Variants in MSRA observed in about 807,000 individuals in gnomAD.
MSRA encodes mitochondrial peptide methionine sulfoxide reductase.
Under a neutral mutation model 31.3 loss-of-function variants are expected in MSRA, and 54 were observed. The ratio of observed to expected loss-of-function variants is 1.73; its 90% CI spans 1.39 to 2.17. The LOEUF (loss-of-function observed/expected upper bound fraction) is 2.17. MSRA is among the 30% of genes most tolerant of loss of function. The pLI is 0.00. For missense variants in MSRA, 507 were observed against 300.9 expected (o/e 1.69, Z -5.07); for synonymous variants, 169 against 116.5 (o/e 1.45, Z -2.90).
intron 5 of MSRA, among the ~76,000 whole-genome samples, chr8:10,320,979 G>A (rs1802014910): frequency 6.6e-6 from 1 of 152,122 alleles, no homozygotes; most frequent in South Asian, 2.1e-4. Flanking sequence ...CACATTCCGA[G>A]GTTTTAGGAC....
intron 1 of MSRA, among the ~76,000 whole-genome samples, chr8:10,112,304 G>A (rs1800348520): frequency 6.6e-6 from 1 of 152,106 alleles, no homozygotes; most frequent in African/African-American, 2.4e-5. Flanking sequence ...AAAGCCATTT[G>A]GTTTGATTCA....
intron 1 of MSRA, among the ~76,000 whole-genome samples, chr8:10,130,725 T>G (rs1043490233): frequency 6.6e-6 from 1 of 152,170 alleles, no homozygotes; most frequent in African/African-American, 2.4e-5. Context: ...TCACAGTGCT[T>G]TTGAAGGCAT....
At chr8:10,406,573 C>T (rs1176893225) in intron 5 of MSRA, among the ~76,000 whole-genome samples, 3 of 152,148 alleles carry the variant, frequency 2.0e-5, no homozygotes, top group African/African-American at 7.2e-5. Flanking sequence ...ATGGGGGCCA[C>T]AGAGTCCTGG....
At chr8:10,372,634 A>C (rs769524063) in intron 5 of MSRA, among the ~76,000 whole-genome samples, 2 of 152,202 alleles carry the variant, frequency 1.3e-5, no homozygotes, top group Non-Finnish European at 2.9e-5. Context: ...GTTAGCTTAC[A>C]ATTAGACAAA....
At chr8:10,380,470 A>C (rs17151859) in intron 5 of MSRA, among the ~76,000 whole-genome samples, 28,604 of 152,154 alleles carry the variant, frequency 0.19, 3,153 homozygotes, top group African/African-American at 0.31. Flanking sequence ...CTTTAAGGCT[A>C]TTCCAAGGGA....
intron 5 of MSRA, among the ~76,000 whole-genome samples, chr8:10,355,851 C>A (rs993978102): frequency 1.3e-5 from 2 of 152,112 alleles, no homozygotes; most frequent in Non-Finnish European, 2.9e-5. Flanking sequence ...TTGGAGATTC[C>A]TTGGAGGTCT....
At chr8:10,228,108 G>T (rs1461073792) in intron 2 of MSRA, among the ~76,000 whole-genome samples, 2 of 152,078 alleles carry the variant, frequency 1.3e-5, no homozygotes, top group African/African-American at 2.4e-5. Flanking sequence ...TCCGTGGCCA[G>T]GGTCTGGCTG....
intron 3 of MSRA, among the ~76,000 whole-genome samples, chr8:10,275,403 A>G (rs1799270775): frequency 6.6e-6 from 1 of 152,178 alleles, no homozygotes; most frequent in Admixed American, 6.5e-5. Context: ...TCACAGTATG[A>G]TTTTACTATT....
chr8:10,290,436 T>C (rs1038847486), intron 3 of MSRA, among the ~76,000 whole-genome samples: 10 of 151,998 alleles, frequency 6.6e-5, no homozygotes, highest in African/African-American at 1.4e-4. Context: ...TCTGAGACTT[T>C]GTTGAAAAAA....
At chr8:10,342,453 C>CA (rs1339934815) in intron 5 of MSRA, among the ~76,000 whole-genome samples, 1 of 152,196 alleles carries the variant, frequency 6.6e-6, no homozygotes, top group African/African-American at 2.4e-5. Flanking sequence ...TATATCTTAG[C>CA]ATGATGATAA....
chr8:10,331,623 C>T (rs73193598), intron 5 of MSRA, among the ~76,000 whole-genome samples: 13,850 of 152,196 alleles, frequency 0.091, 806 homozygotes, highest in Admixed American at 0.13. Context: ...TGTGGCGATA[C>T]ATGCTAATCT....
At chr8:10,160,835 C>G (rs1040112069) in intron 1 of MSRA, among the ~76,000 whole-genome samples, 1 of 152,156 alleles carries the variant, frequency 6.6e-6, no homozygotes, top group Non-Finnish European at 1.5e-5. Context: ...GCCGAGATTT[C>G]ATTTTTAAAA....
chr8:10,071,352 G>A (rs1318014629), intron 1 of MSRA, among the ~76,000 whole-genome samples: 1 of 151,886 alleles, frequency 6.6e-6, no homozygotes, highest in African/African-American at 2.4e-5. Flanking sequence ...TTGAATTATT[G>A]CTTTACTCTT....
chr8:10,365,930 G>A (rs1362462514), intron 5 of MSRA, among the ~76,000 whole-genome samples: 2 of 152,200 alleles, frequency 1.3e-5, no homozygotes, highest in Admixed American at 1.3e-4. Context: ...TACTTGCCTT[G>A]ACTAGTCAAT....
intron 1 of MSRA, among the ~76,000 whole-genome samples, chr8:10,145,567 G>T (rs1337692545): frequency 6.6e-6 from 1 of 152,314 alleles, no homozygotes; most frequent in African/African-American, 2.4e-5. Flanking sequence ...TCCATCCACG[G>T]GGCGGGTGGC....
chr8:10,329,336 G>T (rs546242050), intron 5 of MSRA, among the ~76,000 whole-genome samples: 5 of 152,200 alleles, frequency 3.3e-5, no homozygotes, highest in Non-Finnish European at 5.9e-5. Context: ...GGATCTTCCA[G>T]CGTCTGGTGG....
At chr8:10,397,819 T>C (rs934582032) in intron 5 of MSRA, among the ~76,000 whole-genome samples, 2 of 152,218 alleles carry the variant, frequency 1.3e-5, no homozygotes, top group African/African-American at 4.8e-5. Flanking sequence ...CATAGTCTCA[T>C]AGTCTTTAGA....
At chr8:10,088,276 G>T (rs373378009) in intron 1 of MSRA, among the ~76,000 whole-genome samples, 13 of 152,314 alleles carry the variant, frequency 8.5e-5, no homozygotes, top group South Asian at 4.1e-4. Context: ...CAGCATGAAG[G>T]TTCCTACAGA....
At chr8:10,114,845 C>G (rs548934374) in intron 1 of MSRA, among the ~76,000 whole-genome samples, 44 of 152,214 alleles carry the variant, frequency 2.9e-4, no homozygotes, top group African/African-American at 9.9e-4. Context: ...ATAATTCTAG[C>G]AGAAATCCCA....
Sources: gnomAD v4.1 joint callset for allele counts (sites outside exome capture counted in the v4.1 genomes callset) on GRCh38, gnomAD v4.1.1 for gene constraint, MANE v1.5 for transcripts, NCBI Gene and HGNC (gene_info 2026-07-23, HGNC 2026-07-21) for gene names.